Variants in FAT2 observed in about 807,000 individuals in gnomAD.
FAT2 encodes FAT atypical cadherin 2, also known as protocadherin Fat 2.
FAT2 carries 150 observed loss-of-function variants against 295.3 expected under a neutral mutation model. The ratio of observed to expected loss-of-function variants is 0.51; its 90% CI spans 0.44 to 0.58. The LOEUF (loss-of-function observed/expected upper bound fraction) is 0.58, where lower values mean the gene tolerates loss of function less well. FAT2 is among the 20% of genes least tolerant of loss of function. The pLI, the probability that FAT2 is intolerant of heterozygous loss-of-function variation, is 0.00. For missense variants in FAT2, 4,868 were observed against 5,442.7 expected (o/e 0.89, Z 3.32); for synonymous variants, 2,026 against 2,150.3 (o/e 0.94, Z 1.60).
chr5:151,505,239 G>C lies in FAT2; in HGVS notation c.*326C>G. The C allele has an allele frequency of 2.3e-6, 1 of 426,540 alleles. No individual in the cohort carries two copies. The allele number at this position is 426,540 out of a possible 1,614,324, so 26.4% of individuals were successfully genotyped here. On this transcript the variant is annotated 3_prime_UTR_variant, in exon 24 of 24. Transcript: ENST00000261800. ...AGCACAGTCAATCAGGCTCTGCCCC[G>C]GGGACTGAGAGCCGGCAGATCAGGG...
At position 151,505,298 on chromosome 5, in the gene FAT2, A is replaced by G. The variant is rs182024482; in HGVS notation, c.*267T>C. The G allele has an allele frequency of 1.7e-5, 9 of 524,038 alleles. No individual in the cohort carries two copies. The East Asian group carries it at 2.8e-4, about 16-fold the overall frequency. 32.5% of individuals were successfully genotyped at this position (524,038 alleles called of 1,614,324 possible). ...TGTCTCTCGCCCACCCCGGGAGTCA[A>G]TTGTTCCTGGTTTTCCAGGGTCACT... On this transcript the variant is annotated 3_prime_UTR_variant, in exon 24 of 24. Coordinates refer to ENST00000261800, the MANE Select transcript of FAT2 (RefSeq NM_001447.3).
chr5:151,518,839 G>A (rs773999168), intron 19 of FAT2, among the ~76,000 whole-genome samples: 9 of 152,130 alleles, frequency 5.9e-5, no homozygotes, highest in Non-Finnish European at 1.0e-4. Context: ...GCCCTCCCCA[G>A]ATTTTAAAAA....
chr5:151,585,422 G>A (rs1366740194), intron 1 of FAT2, among the ~76,000 whole-genome samples: 9 of 152,210 alleles, frequency 5.9e-5, no homozygotes, highest in African/African-American at 2.2e-4. Flanking sequence ...AGACCAGCCC[G>A]ACCAACATGG....
Position 151,569,002 on chromosome 5 carries a change from C to T in FAT2, c.-20-51G>A. On this transcript the variant is annotated intron_variant, in intron 1 of 23. Coordinates refer to ENST00000261800, the MANE Select transcript of FAT2 (RefSeq NM_001447.3). ...GCAAGTTAGGGGGAAAAAATGGTTT[C>T]TACTGCTGTGATTCTTAACTGGAGG... 3 of 1,488,864 alleles carry T rather than the reference C, an allele frequency of 2.0e-6. No individual in the cohort carries two copies. In the East Asian group the frequency reaches 6.8e-5, roughly 34 times the overall value. The allele number at this position is 1,488,864 out of a possible 1,614,324, so 92.2% of individuals were successfully genotyped here.
intron 1 of FAT2, among the ~76,000 whole-genome samples, chr5:151,587,050 G>C (rs1759199369): frequency 6.6e-6 from 1 of 151,996 alleles, no homozygotes; most frequent in Admixed American, 6.5e-5. Context: ...GCTGAGGCAT[G>C]AGAATCACTT....
At chr5:151,534,070 T>C (rs1286866982) in intron 13 of FAT2, among the ~76,000 whole-genome samples, 1 of 152,152 alleles carries the variant, frequency 6.6e-6, no homozygotes, top group Non-Finnish European at 1.5e-5. Context: ...CAATCAGAAT[T>C]GAAGAAGTCT....
At chr5:151,528,240 C>T (rs1242066560) in intron 15 of FAT2, 107 bp from the exon 16 acceptor site, 7 of 1,376,624 alleles carry the variant, frequency 5.1e-6, no homozygotes, top group Non-Finnish European at 7.0e-6. Context: ...TTTGGGCTAG[C>T]AGTGCCTGGA....
Position 151,567,073 on chromosome 5 carries a change from G to T in FAT2, c.1859C>A (p.Ser620Tyr). The T allele has an allele frequency of 6.2e-7, 1 of 1,613,996 alleles. No homozygotes were observed. Among genetic ancestry groups the T allele is most frequent in the South Asian group, 1.1e-5 (1 of 91,072 alleles). Reference sequence around the variant, plus strand: ...AAGATTGATAAAAGGGCGTTTGAGGGATATCACTCCGGAGAAATGATTTAG... The same window carrying T: ...AAGATTGATAAAAGGGCGTTTGAGGTATATCACTCCGGAGAAATGATTTAG... ...FDLNHFSGVI[S>Y]LKRPFINLTA... The change falls in exon 2 of 24, where the codon TCC becomes TAC. Residue 620 changes from serine to tyrosine, a missense_variant. Ser to Tyr is a moderately radical substitution (Grantham distance 144). This residue lies in a region of FAT2 where 3,297 missense variants were observed against 3,669.4 expected (regional missense o/e 0.90). Transcript: ENST00000261800.
intron 1 of FAT2, among the ~76,000 whole-genome samples, chr5:151,590,200 C>T (rs112802314): frequency 2.0e-5 from 3 of 152,350 alleles, no homozygotes; most frequent in African/African-American, 7.2e-5. Flanking sequence ...AGTCTCTGCT[C>T]CCACCTGTGA....
chr5:151,537,390 G>T (rs917504443), intron 12 of FAT2, among the ~76,000 whole-genome samples: 5 of 147,116 alleles, frequency 3.4e-5, no homozygotes, highest in African/African-American at 1.3e-4. Flanking sequence ...AACAACGAAA[G>T]GAAAGGAAAG....
Position 151,543,571 on chromosome 5 carries a change from G to A in FAT2, c.7556C>T (p.Thr2519Ile), listed in dbSNP as rs768806579. ...CTCACTTGCTAGTTTATTGATGATA[G>A]TATAATCTATAGTGCCATAGGGACC... ...DSGPYGTIDY[T>I]IINKLASEKF... Residue 2519 changes from threonine to isoleucine, a missense_variant, in exon 10 of 24, where the codon ACT becomes ATT. Around this residue, in one of 5 missense-constraint regions of FAT2, gnomAD observed 3,297 missense variants for 3,669.4 expected, o/e 0.90. Coordinates refer to ENST00000261800, the MANE Select transcript of FAT2 (RefSeq NM_001447.3). The A allele has an allele frequency of 7.4e-6, 12 of 1,614,062 alleles. No individual in the cohort carries two copies. Among genetic ancestry groups the A allele is most frequent in the Non-Finnish European group, 1.0e-5 (12 of 1,180,026 alleles).
intron 1 of FAT2, among the ~76,000 whole-genome samples, chr5:151,584,854 G>A (rs769799160): frequency 2.9e-4 from 44 of 152,274 alleles, no homozygotes; most frequent in Non-Finnish European, 5.4e-4. Flanking sequence ...ACCAAGTCCA[G>A]TTAGACCTCA....
Position 151,505,469 on chromosome 5 carries a change from C to A in FAT2, c.*96G>T. On this transcript the variant is annotated 3_prime_UTR_variant, in exon 24 of 24. Transcript: ENST00000261800. ...CTGGGCTGAGGGCTTCCCTCCCACT[C>A]TCCCAGCCACACTCAACTCACCCCC... The A allele has an allele frequency of 4.8e-6, 7 of 1,472,164 alleles. No homozygotes were observed. Among genetic ancestry groups the A allele is most frequent in the Non-Finnish European group, 6.5e-6 (7 of 1,077,218 alleles). 91.2% of individuals were successfully genotyped at this position (1,472,164 alleles called of 1,614,324 possible).
chr5:151,537,580 A>AC (rs1755579220), intron 12 of FAT2, among the ~76,000 whole-genome samples: 1 of 152,022 alleles, frequency 6.6e-6, no homozygotes, highest in Admixed American at 6.6e-5. Context: ...TGATTCAATG[A>AC]CCCCCTTTCC....
At chr5:151,577,694 G>A (rs1324300323) in intron 1 of FAT2, among the ~76,000 whole-genome samples, 2 of 151,930 alleles carry the variant, frequency 1.3e-5, no homozygotes, top group African/African-American at 2.4e-5. Flanking sequence ...AACAGGCAAC[G>A]CAAAGGCCCT....
chr5:151,506,068 G>A lies in FAT2; in HGVS notation c.12547C>T (p.Pro4183Ser), dbSNP rs747750645. Residue 4183 changes from proline to serine, a missense_variant, in exon 24 of 24, where the codon CCT becomes TCT. Physicochemically the swap from Pro to Ser is moderately conservative, Grantham distance 74 (BLOSUM62 -1). Transcript: ENST00000261800. ...CAGCGTTCGTTCCTGGAGTAAGTAG[G>A]GGGCCAGACCATGGCTCCGCCAGGG... ...VYPGGAMVWPPTYSRNERWEY... is the reference protein window; with the variant it reads ...VYPGGAMVWPSTYSRNERWEY... 6.5e-7 allele frequency: 1 copy of A among 1,538,000 alleles called. No individual in the cohort carries two copies. Among genetic ancestry groups the A allele is most frequent in the Admixed American group, 2.1e-5 (1 of 47,478 alleles).
Position 151,521,426 on chromosome 5 carries a change from G to A in FAT2, c.11167C>T (p.Pro3723Ser), listed in dbSNP as rs1389730489. ...GTTGGCCCCTGGCAGGGCACCATGG[G>A]CATAGCTGACCGCATCTGAACCCCC... The part of the protein sequence containing the change: ...SVGVQMRSAM[P>S]MVPCQGPTCQ... The change falls in exon 19 of 24, where the codon CCC becomes TCC. Residue 3723 changes from proline to serine, a missense_variant. This residue lies in a region of FAT2 where 1,046 missense variants were observed against 1,210.1 expected (regional missense o/e 0.86). Coordinates refer to ENST00000261800, the MANE Select transcript of FAT2 (RefSeq NM_001447.3). 6.2e-7 allele frequency: 1 copy of A among 1,614,098 alleles called. No individual in the cohort carries two copies. The highest frequency in any genetic ancestry group is 1.3e-5 in the African/African-American group (1 of 74,926).
intron 12 of FAT2, among the ~76,000 whole-genome samples, chr5:151,536,030 T>TA (rs1194494048): frequency 3.9e-5 from 6 of 152,156 alleles, no homozygotes; most frequent in Non-Finnish European, 7.3e-5. Context: ...AAGTTACAAA[T>TA]AGTATTCTAC....
At position 151,531,510 on chromosome 5, in the gene FAT2, C is replaced by G; in HGVS notation, c.9811+77G>C. 2 of 1,576,828 alleles carry G rather than the reference C, an allele frequency of 1.3e-6. No individual in the cohort carries two copies. Among genetic ancestry groups the G allele is most frequent in the Non-Finnish European group, 1.7e-6 (2 of 1,158,438 alleles). On this transcript the variant is annotated intron_variant, in intron 14 of 23. Coordinates refer to ENST00000261800, the MANE Select transcript of FAT2 (RefSeq NM_001447.3). The surrounding 1 kb of genome is among the most constrained non-coding windows in gnomAD (Gnocchi z 5.7). The stretch of plus-strand genomic sequence containing the variant: ...TGGGAGGCGCTGCACAGGGTAGATA[C>G]CCACACAGGGGAGGAACCCAGCGCT...
Sources: allele counts gnomAD v4.1 joint callset (sites outside exome capture counted in the v4.1 genomes callset), GRCh38; gene constraint gnomAD v4.1.1; regional missense constraint gnomAD v4.1.1; non-coding constraint Gnocchi (gnomAD v3.1); transcripts MANE v1.5; gene names NCBI Gene and HGNC (gene_info 2026-07-23, HGNC 2026-07-21).